Variants in GLI2 observed in about 807,000 individuals in gnomAD.
GLI2 encodes the protein transcription activator GLI2.
Under a neutral mutation model 78.9 loss-of-function variants are expected in GLI2, and 22 were observed. The observed-to-expected ratio is 0.28, with a 90% CI of 0.20 to 0.40. The LOEUF is 0.40. GLI2 is among the 10% of genes least tolerant of loss of function. The probability of loss-of-function intolerance (pLI) is 1.00; values close to 1 mark genes in which losing one functional copy is unlikely to be tolerated. For synonymous variants in GLI2, 974 were observed against 963.7 expected (o/e 1.01, Z -0.20); for missense variants, 2,097 against 2,213.2 (o/e 0.95, Z 1.05).
At chr2:120,955,485 C>A (rs954853319) in intron 5 of GLI2, 55 bp downstream of exon 5, 6 of 1,167,446 alleles carry the variant, frequency 5.1e-6, no homozygotes, top group Non-Finnish European at 7.2e-6. Flanking sequence ...CCTCTTGAGG[C>A]TGAGAAGGTC....
chr2:120,741,164 TC>T (rs974682179), intron 1 of GLI2, among the ~76,000 whole-genome samples: 3 of 152,096 alleles, frequency 2.0e-5, no homozygotes, highest in African/African-American at 7.2e-5. Context: ...CAGTTAAGTA[TC>T]TCCCTTCCTC....
chr2:120,909,585 G>A (rs781691249), intron 2 of GLI2, among the ~76,000 whole-genome samples: 16 of 152,278 alleles, frequency 1.1e-4, no homozygotes, highest in South Asian at 2.1e-4. Context: ...CCCACTTTAG[G>A]CCGGGCGTGG....
At chr2:120,912,454 C>T (rs1344111076) in intron 2 of GLI2, among the ~76,000 whole-genome samples, 2 of 152,090 alleles carry the variant, frequency 1.3e-5, no homozygotes, top group Non-Finnish European at 2.9e-5. Flanking sequence ...GCAGGCTCTT[C>T]CCACGGATTC....
chr2:120,950,977 G>C (rs1431838877), intron 3 of GLI2, among the ~76,000 whole-genome samples: 1 of 152,258 alleles, frequency 6.6e-6, no homozygotes, highest in East Asian at 1.9e-4. Context: ...CCAGTCGCGG[G>C]TGCGAGGTCC....
chr2:120,967,491 C>T (rs540921033), intron 5 of GLI2, among the ~76,000 whole-genome samples: 1 of 152,242 alleles, frequency 6.6e-6, no homozygotes, highest in Non-Finnish European at 1.5e-5. Context: ...ATGGGGGCAC[C>T]GTGATGGGGA....
In GLI2 at chr2:120,837,664, A is replaced by G. The variant is rs148866442; in HGVS notation, c.148+40196A>G. ...CATGTAGCTTTTAAATTTAGCTGAG[A>G]CTGTTTTGTCTTTGACATTATGTAG... is the stretch of plus-strand genomic sequence containing the variant. On this transcript the variant is annotated intron_variant, in intron 2 of 13. Coordinates refer to ENST00000361492, the MANE Select transcript of GLI2 (RefSeq NM_001374353.1). Among the ~76,000 whole-genome samples, 834 of 152,266 alleles carry G rather than the reference A, an allele frequency of 5.5e-3. 4 individuals are homozygous for G. The highest frequency in any genetic ancestry group is 6.6e-3 in the Non-Finnish European group (448 of 68,028).
intron 2 of GLI2, among the ~76,000 whole-genome samples, chr2:120,808,178 C>T (rs925246549): frequency 9.9e-5 from 15 of 152,160 alleles, no homozygotes; most frequent in South Asian, 2.1e-4. Flanking sequence ...CAGTGGACAC[C>T]GCTTTGCACC....
chr2:120,760,118 CA>C (rs931553269), intron 1 of GLI2, among the ~76,000 whole-genome samples: 41 of 152,296 alleles, frequency 2.7e-4, no homozygotes, highest in African/African-American at 8.9e-4. Context: ...GTAAACCTCC[CA>C]GGGGCAGGGT....
chr2:120,946,695 A>G lies in GLI2; in HGVS notation c.255-4548A>G, dbSNP rs375103252. On this transcript the variant is annotated intron_variant, in intron 3 of 13. Transcript: ENST00000361492. ...AGTCGCCTTTCCTGGTGAAGTCTCC[A>G]TGGCTCAATCGTCTGCTCACTGGCG... Among the ~76,000 whole-genome samples, 15 of 152,318 alleles carry G rather than the reference A, an allele frequency of 9.8e-5. No homozygotes were observed. The East Asian group carries it at 1.7e-3, about 18-fold the overall frequency.
Position 120,975,372 on chromosome 2 carries a change from A to G in GLI2, c.1317+263A>G, listed in dbSNP as rs371147729. On this transcript the variant is annotated intron_variant, in intron 9 of 13. Coordinates refer to ENST00000361492, the MANE Select transcript of GLI2 (RefSeq NM_001374353.1). ...AGACTGTCAGGGAAAAGAGAACAATAAAGTGAAACCAGGAATAGAGTTAGT... is the reference window on the plus strand; with the variant it reads ...AGACTGTCAGGGAAAAGAGAACAATGAAGTGAAACCAGGAATAGAGTTAGT... Among the ~76,000 whole-genome samples, 3 of 152,406 alleles carry G rather than the reference A, an allele frequency of 2.0e-5. No individual in the cohort carries two copies. In the East Asian group the frequency reaches 5.8e-4, roughly 29 times the overall value.
intron 2 of GLI2, among the ~76,000 whole-genome samples, chr2:120,906,172 G>C (rs1678522452): frequency 6.6e-6 from 1 of 152,216 alleles, no homozygotes; most frequent in African/African-American, 2.4e-5. Flanking sequence ...AGGAAGTCAG[G>C]GCCCCTGGGG....
intron 2 of GLI2, among the ~76,000 whole-genome samples, chr2:120,926,077 A>AG (rs1679655147): frequency 6.7e-6 from 1 of 150,048 alleles, no homozygotes; most frequent in African/African-American, 2.4e-5. Flanking sequence ...CGTCTCAAAA[A>AG]AAAAAAAAAA....
In GLI2 at chr2:120,882,262, G is replaced by A. The variant is rs59835831; in HGVS notation, c.149-45099G>A. Among the ~76,000 whole-genome samples the A allele has an allele frequency of 4.0e-3, 605 of 152,262 alleles. 7 individuals carry two copies. Among genetic ancestry groups the A allele is most frequent in the African/African-American group, 0.013 (560 of 41,542 alleles). ...TGGACAACGTGAGGGAAGGCAGCCA[G>A]GGCGTGAGGCCTTGGGTTGGGTCTC... On this transcript the variant is annotated intron_variant, in intron 2 of 13. Transcript: ENST00000361492.
chr2:120,942,986 A>G (rs1012187987), intron 3 of GLI2, among the ~76,000 whole-genome samples: 4 of 152,114 alleles, frequency 2.6e-5, no homozygotes, highest in Admixed American at 6.5e-5. Context: ...TCACTCATTC[A>G]TTCATTCATT....
intron 5 of GLI2, among the ~76,000 whole-genome samples, chr2:120,963,614 T>G (rs1303718665): frequency 6.6e-6 from 1 of 151,608 alleles, no homozygotes; most frequent in Non-Finnish European, 1.5e-5. Flanking sequence ...ACCTGGGGTG[T>G]GTGTGTGTGT....
chr2:120,793,388 G>A (rs1684238043), intron 1 of GLI2, among the ~76,000 whole-genome samples: 1 of 152,354 alleles, frequency 6.6e-6, no homozygotes, highest in South Asian at 2.1e-4. Flanking sequence ...GCCCGTGGGA[G>A]CCATCCCTGG....
intron 2 of GLI2, among the ~76,000 whole-genome samples, chr2:120,816,278 C>G (rs898656097): frequency 6.6e-6 from 1 of 150,992 alleles, no homozygotes; most frequent in Non-Finnish European, 1.5e-5. Flanking sequence ...TCACTGCAAC[C>G]TCCGCCTCCC....
intron 1 of GLI2, among the ~76,000 whole-genome samples, chr2:120,739,452 T>A (rs1470294234): frequency 6.6e-6 from 1 of 152,226 alleles, no homozygotes; most frequent in Non-Finnish European, 1.5e-5. Context: ...ACTCTTTGGG[T>A]AGGGCAGCTG....
chr2:120,919,711 G>A (rs868553353), intron 2 of GLI2, among the ~76,000 whole-genome samples: 14 of 152,332 alleles, frequency 9.2e-5, no homozygotes, highest in African/African-American at 3.4e-4. Context: ...CAGCATCACC[G>A]GGCTTCCCCA....
Sources: gnomAD v4.1 joint callset for allele counts (sites outside exome capture counted in the v4.1 genomes callset) on GRCh38, gnomAD v4.1.1 for gene constraint, MANE v1.5 for transcripts, NCBI Gene and HGNC (gene_info 2026-07-23, HGNC 2026-07-21) for gene names.